The following MACROD2 variants were observed in gnomAD, a reference collection of about 807,000 sequenced individuals.
The protein encoded by MACROD2 is ADP-ribose glycohydrolase MACROD2.
Under a neutral mutation model 70.4 loss-of-function variants are expected in MACROD2, and 36 were observed. The observed-to-expected ratio is 0.51, with a 90% CI of 0.39 to 0.68. MACROD2 has a LOEUF of 0.68. Ranked by LOEUF, MACROD2 falls within the 30% of genes least tolerant of loss-of-function variation. The pLI, the probability that MACROD2 is intolerant of heterozygous loss-of-function variation, is 0.00. For synonymous variants in MACROD2, 172 were observed against 178.8 expected (o/e 0.96, Z 0.30); for missense variants, 496 against 538.4 (o/e 0.92, Z 0.78).
intron 3 of MACROD2, among the ~76,000 whole-genome samples, chr20:14,219,934 G>C (rs774384253): frequency 1.3e-5 from 2 of 152,134 alleles, no homozygotes; most frequent in Non-Finnish European, 2.9e-5. Flanking sequence ...AGGTGGCGGG[G>C]TGGGGGGTGC....
intron 5 of MACROD2, among the ~76,000 whole-genome samples, chr20:14,834,140 A>G (rs1043035231): frequency 9.2e-5 from 14 of 151,978 alleles, no homozygotes; most frequent in African/African-American, 3.4e-4. Context: ...TGCTTTTTGC[A>G]TTTCTATGAA....
intron 5 of MACROD2, among the ~76,000 whole-genome samples, chr20:14,975,084 G>A (rs901695691): frequency 6.6e-6 from 1 of 152,242 alleles, no homozygotes; most frequent in South Asian, 2.1e-4. Flanking sequence ...CTACACACTA[G>A]ATGCCAGTAG....
At chr20:14,905,742 C>A (rs1471370374) in intron 5 of MACROD2, 1 of 152,218 alleles carries the variant, frequency 6.6e-6, no homozygotes, top group Non-Finnish European at 1.5e-5. Context: ...TTAGACTCTA[C>A]ATTTTTCTTC....
At chr20:15,049,240 G>A (rs2075419727) in intron 5 of MACROD2, among the ~76,000 whole-genome samples, 1 of 151,508 alleles carries the variant, frequency 6.6e-6, no homozygotes, top group African/African-American at 2.4e-5. Flanking sequence ...TCAGAGATGT[G>A]GGCTAAGGAA....
Position 15,835,083 on chromosome 20 carries a change from C to T in MACROD2, c.646-27662C>T, listed in dbSNP as rs2064098516. Among the ~76,000 whole-genome samples the T allele has an allele frequency of 2.6e-5, 4 of 152,162 alleles. No individual in the cohort carries two copies. In the South Asian group the frequency reaches 6.2e-4, roughly 24 times the overall value. On this transcript the variant is annotated intron_variant, in intron 8 of 17. Transcript: ENST00000684519. ...AATCTCAATTGGAGAGGATCCAGGG[C>T]CTCCTGCCAATAGCCAGCATCAAAT...
chr20:15,095,100 A>T (rs574441069), intron 5 of MACROD2, among the ~76,000 whole-genome samples: 2 of 109,740 alleles, frequency 1.8e-5, no homozygotes, highest in Non-Finnish European at 3.6e-5. Flanking sequence ...TTTTTTAGAC[A>T]GAGTCTCGCT....
intron 3 of MACROD2, among the ~76,000 whole-genome samples, chr20:14,286,841 A>G (rs1023817205): frequency 3.9e-5 from 6 of 152,168 alleles, no homozygotes; most frequent in Admixed American, 3.9e-4. Context: ...TCATGCCAGG[A>G]TATTAAGCAG....
At chr20:14,011,633 A>G (rs1379971249) in intron 2 of MACROD2, among the ~76,000 whole-genome samples, 4 of 150,238 alleles carry the variant, frequency 2.7e-5, no homozygotes, top group South Asian at 4.2e-4. Context: ...GGTTCATGCC[A>G]TTCTCCTGCC....
At chr20:15,206,797 C>T (rs1160623580) in intron 5 of MACROD2, among the ~76,000 whole-genome samples, 2 of 132,672 alleles carry the variant, frequency 1.5e-5, no homozygotes, top group African/African-American at 2.9e-5. Flanking sequence ...ACTGCAGTGG[C>T]GCAATCTCGG....
intron 3 of MACROD2, among the ~76,000 whole-genome samples, chr20:14,173,013 T>A (rs1440334747): frequency 6.6e-6 from 1 of 152,234 alleles, no homozygotes; most frequent in East Asian, 1.9e-4. Flanking sequence ...GGAAATCTGC[T>A]GTTAATCTGG....
Position 15,794,451 on chromosome 20 carries a change from G to A in MACROD2, c.646-68294G>A, listed in dbSNP as rs141214987. Among the ~76,000 whole-genome samples the A allele has an allele frequency of 4.2e-3, 643 of 152,308 alleles. 9 individuals carry two copies. Among genetic ancestry groups the A allele is most frequent in the African/African-American group, 0.015 (607 of 41,562 alleles). ...CTGGGGCAGAAAACCTGAGCAAACAGGCATTGCACTAGACCGTGTCGGCAG... is the reference window on the plus strand; with the variant it reads ...CTGGGGCAGAAAACCTGAGCAAACAAGCATTGCACTAGACCGTGTCGGCAG... On this transcript the variant is annotated intron_variant, in intron 8 of 17. Transcript: ENST00000684519.
intron 5 of MACROD2, among the ~76,000 whole-genome samples, chr20:14,789,408 G>A (rs1476187041): frequency 1.4e-5 from 2 of 138,126 alleles, no homozygotes; most frequent in African/African-American, 2.7e-5. Context: ...AAAACGTAAC[G>A]CCTGGAAAAA....
intron 8 of MACROD2, among the ~76,000 whole-genome samples, chr20:15,637,660 C>T (rs1301069366): frequency 2.0e-5 from 3 of 152,102 alleles, no homozygotes; most frequent in Admixed American, 6.5e-5. Flanking sequence ...GAAGGGAGAC[C>T]GTGAGCCCAG....
chr20:14,418,954 A>T (rs993926026), intron 3 of MACROD2, among the ~76,000 whole-genome samples: 1 of 152,170 alleles, frequency 6.6e-6, no homozygotes, highest in Admixed American at 6.5e-5. Flanking sequence ...TCATCTTTAA[A>T]ATAGAAGTAA....
chr20:14,397,461 T>A (rs1253876531), intron 3 of MACROD2, among the ~76,000 whole-genome samples: 1 of 152,260 alleles, frequency 6.6e-6, no homozygotes, highest in Non-Finnish European at 1.5e-5. Context: ...AGTTTATGTA[T>A]GTAACAAGCT....
At chr20:15,403,465 G>T (rs903487197) in intron 6 of MACROD2, among the ~76,000 whole-genome samples, 1 of 151,534 alleles carries the variant, frequency 6.6e-6, no homozygotes, top group Non-Finnish European at 1.5e-5. Flanking sequence ...GAGAGAGATT[G>T]TATTATTCAA....
intron 5 of MACROD2, chr20:14,757,923 C>A: frequency 8.6e-7 from 1 of 1,158,890 alleles, no homozygotes; most frequent in South Asian, 1.2e-5. Context: ...AGAGGGAAAG[C>A]CGACAGAGAT....
At chr20:14,632,891 T>A (rs1310451549) in intron 4 of MACROD2, among the ~76,000 whole-genome samples, 1 of 152,220 alleles carries the variant, frequency 6.6e-6, no homozygotes, top group Non-Finnish European at 1.5e-5. Flanking sequence ...ATTTAAGTGG[T>A]AGAAATTATT....
chr20:14,976,747 G>A (rs1460766951), intron 5 of MACROD2, among the ~76,000 whole-genome samples: 1 of 152,126 alleles, frequency 6.6e-6, no homozygotes, highest in African/African-American at 2.4e-5. Context: ...TCCCAACTCT[G>A]TGGCTTGAGT....
Sources: gnomAD v4.1 joint callset for allele counts (sites outside exome capture counted in the v4.1 genomes callset) on GRCh38, gnomAD v4.1.1 for gene constraint, MANE v1.5 for transcripts, NCBI Gene and HGNC (gene_info 2026-07-23, HGNC 2026-07-21) for gene names.